Variants in CHD5 observed in about 807,000 individuals in gnomAD.
CHD5 encodes the protein chromodomain helicase DNA binding protein 5.
Under a neutral mutation model 230.3 loss-of-function variants are expected in CHD5, and 69 were observed. That is an observed-to-expected ratio of 0.30 (90% CI 0.25 to 0.37). The LOEUF is 0.37. Ranked by LOEUF, CHD5 falls within the 10% of genes least tolerant of loss-of-function variation. The pLI is 1.00. For missense variants in CHD5, 1,827 were observed against 2,622.8 expected, an observed-to-expected ratio of 0.70 and a Z score of 6.63; for synonymous variants, 1,064 against 1,065.9, an observed-to-expected ratio of 1.00 and a Z score of 0.03.
rs1265649646 is a variant in CHD5 at position 6,131,389 on chromosome 1, C to CGGG, written c.3262+241_3262+242insCCC. 2.0e-5 allele frequency among the ~76,000 whole-genome samples: 3 copies of CGGG among 152,188 alleles called. No homozygotes were observed. The highest frequency in any genetic ancestry group is 7.2e-5 in the African/African-American group (3 of 41,434). On this transcript the variant is annotated intron_variant, in intron 21 of 41. Coordinates refer to ENST00000262450, the MANE Select transcript of CHD5 (RefSeq NM_015557.3). The surrounding 1 kb of genome is among the most constrained non-coding windows in gnomAD (Gnocchi z 5.0). Reference sequence around the variant, plus strand: ...CTCACCTGGCGTCAATATTAGAGGCCCCGTCTGCGTTTCTCATTGTCTAAC... The same window carrying CGGG: ...CTCACCTGGCGTCAATATTAGAGGCCGGGCCGTCTGCGTTTCTCATTGTCTAAC...
rs1007224276 is a variant in CHD5 at position 6,130,736 on chromosome 1, C to T, written c.3263-408G>A. ...ATGCTGCCAGGGCAGCCCGGGAAAA[C>T]TCAGGGGCGCAGCTCCGGGACCTGG... On this transcript the variant is annotated intron_variant, in intron 21 of 41. Coordinates refer to ENST00000262450, the MANE Select transcript of CHD5 (RefSeq NM_015557.3). The surrounding 1 kb of genome is among the most constrained non-coding windows in gnomAD (Gnocchi z 4.9). Among the ~76,000 whole-genome samples, 1 of 152,228 alleles carries T rather than the reference C, an allele frequency of 6.6e-6. No homozygotes were observed. Among genetic ancestry groups the T allele is most frequent in the Non-Finnish European group, 1.5e-5 (1 of 68,042 alleles).
chr1:6,145,521 C>T (rs1666895899), intron 11 of CHD5, among the ~76,000 whole-genome samples: 1 of 152,206 alleles, frequency 6.6e-6, no homozygotes, highest in Non-Finnish European at 1.5e-5. Flanking sequence ...GCAGGCATTC[C>T]CACCACCCAC....
chr1:6,124,663 T>A lies in CHD5; in HGVS notation c.4395-2A>T. ...CGCATGAAGAGGGACACATAGGCTC[T>A]GGGGTGGGGGGGGGGGACTGGGGCT... On this transcript the variant is annotated splice_acceptor_variant, in intron 29 of 41. Transcript: ENST00000262450. LOFTEE classifies it high-confidence loss of function. The A allele has an allele frequency of 6.8e-5, 4 of 58,436 alleles. No individual in the cohort carries two copies. The highest frequency in any genetic ancestry group is 1.1e-4 in the Non-Finnish European group (4 of 35,090). The allele number at this position is 58,436 out of a possible 1,614,324, so 3.6% of individuals were successfully genotyped here.
chr1:6,169,743 C>T (rs200589226), intron 1 of CHD5, among the ~76,000 whole-genome samples: 5 of 152,270 alleles, frequency 3.3e-5, no homozygotes, highest in East Asian at 1.9e-4. Context: ...GAAGGGCCCA[C>T]GAGAGAGCCG....
chr1:6,138,766 C>A (rs1284948558), intron 15 of CHD5, among the ~76,000 whole-genome samples: 1 of 152,194 alleles, frequency 6.6e-6, no homozygotes, highest in Non-Finnish European at 1.5e-5. Context: ...TGGGTGTATA[C>A]CCAAAAGACA....
chr1:6,143,647 C>T (rs559663502), intron 13 of CHD5, among the ~76,000 whole-genome samples, 176 bp downstream of exon 13: 3 of 152,184 alleles, frequency 2.0e-5, no homozygotes, highest in Non-Finnish European at 2.9e-5. Flanking sequence ...ATGTCAGCTG[C>T]AGTGTTATGA....
chr1:6,120,384 G>A (rs58825943), intron 33 of CHD5, among the ~76,000 whole-genome samples: 37,480 of 151,514 alleles, frequency 0.25, 5,629 homozygotes, highest in African/African-American at 0.41. Context: ...AAAAGTTAAA[G>A]ACCAACGGGC....
At position 6,106,375 on chromosome 1, in the gene CHD5, C is replaced by T. The variant is rs202018155; in HGVS notation, c.5857+20G>A. ...GGCGGGCACCCGTGTGCATGCTGCC[C>T]GGAGCGGACGGGCACCTACCGGTCA... On this transcript the variant is annotated intron_variant, in intron 40 of 41. Transcript: ENST00000262450. 1.6e-5 allele frequency: 26 copies of T among 1,607,538 alleles called. No individual in the cohort carries two copies. Among genetic ancestry groups the T allele is most frequent in the Middle Eastern group, 1.7e-4 (1 of 6,022 alleles).
Position 6,121,027 on chromosome 1 carries a change from C to G in CHD5, c.4912+78G>C. ...CAGGGAGAAATGAGCGGAAGTACAG[C>G]CACCTGCCCTTCTCTGAACCCAGGC... is the stretch of plus-strand genomic sequence containing the variant. On this transcript the variant is annotated intron_variant, in intron 33 of 41. Transcript: ENST00000262450. This position sits in a 1 kb window ranked among gnomAD's most constrained non-coding sequence, Gnocchi z 4.5. 7.0e-7 allele frequency: 1 copy of G among 1,427,828 alleles called. No individual in the cohort carries two copies. The highest frequency in any genetic ancestry group is 9.2e-7 in the Non-Finnish European group (1 of 1,082,520). The allele number at this position is 1,427,828 out of a possible 1,614,324, so 88.4% of individuals were successfully genotyped here. A position where few individuals can be genotyped will look rare whatever the true frequency, so the allele number is the denominator to read the frequency against.
At chr1:6,165,027 G>A (rs996265129) in intron 2 of CHD5, among the ~76,000 whole-genome samples, 13 of 152,160 alleles carry the variant, frequency 8.5e-5, no homozygotes, top group African/African-American at 3.1e-4. Context: ...ACAGACAAGA[G>A]CCAGAGAGAG....
At chr1:6,148,007 C>T (rs1409522729) in intron 9 of CHD5, among the ~76,000 whole-genome samples, 1 of 152,102 alleles carries the variant, frequency 6.6e-6, no homozygotes, top group African/African-American at 2.4e-5. Flanking sequence ...CCCTCCCATC[C>T]CCAGGGCCTT....
chr1:6,146,360 G>A lies in CHD5; in HGVS notation c.1654C>T (p.Pro552Ser). 5.6e-6 allele frequency: 9 copies of A among 1,614,188 alleles called. No homozygotes were observed. Among genetic ancestry groups the A allele is most frequent in the Admixed American group, 3.3e-5 (2 of 60,026 alleles). ...YQRKNDMDEP[P>S]PFDYGSGDED... ...TCCCCAGAGCCGTAGTCAAAGGGGG[G>A]CGGCTCATCCATGTCGTTCTTTCTT... The change falls in exon 11 of 42, where the codon CCC becomes TCC. Residue 552 changes from proline to serine, a missense_variant. Around this residue, in one of 14 missense-constraint regions of CHD5, gnomAD observed 657 missense variants for 816.4 expected, o/e 0.80. Transcript: ENST00000262450. This position sits in a 1 kb window ranked among gnomAD's most constrained non-coding sequence, Gnocchi z 5.1.
intron 1 of CHD5, among the ~76,000 whole-genome samples, chr1:6,179,367 C>A (rs1667475933): frequency 2.0e-5 from 3 of 152,034 alleles, no homozygotes; most frequent in Admixed American, 6.5e-5. Context: ...AGCAGGGGTC[C>A]GAGCCCGTGC....
intron 33 of CHD5, among the ~76,000 whole-genome samples, chr1:6,119,857 T>C (rs1042908547): frequency 7.9e-6 from 1 of 125,838 alleles, no homozygotes; most frequent in African/African-American, 3.2e-5. Context: ...GTATTATATA[T>C]ATATATATTT....
Position 6,128,535 on chromosome 1 carries a change from C to T in CHD5, c.3694G>A (p.Ala1232Thr), listed in dbSNP as rs558552874. Residue 1232 changes from alanine to threonine, a missense_variant, in exon 24 of 42, where the codon GCC (alanine) becomes ACC (threonine). By Grantham distance (58) the Ala-to-Thr change is moderately conservative. Transcript: ENST00000262450. The surrounding 1 kb of genome is among the most constrained non-coding windows in gnomAD (Gnocchi z 7.8). The part of the protein sequence containing the change: ...VQSSKGGNLA[A>T]SAKKKHGSTP... ...CTACCGTGCTTCTTCTTTGCACTGG[C>T]GGCCAAGTTCCCCCCTTTGGAGGAC... 8 of 1,614,120 alleles carry T rather than the reference C, an allele frequency of 5.0e-6. No homozygotes were observed. Among genetic ancestry groups the T allele is most frequent in the East Asian group, 2.2e-5 (1 of 44,888 alleles).
intron 1 of CHD5, among the ~76,000 whole-genome samples, chr1:6,168,581 A>C (rs1358492175): frequency 2.6e-5 from 4 of 152,202 alleles, no homozygotes; most frequent in Non-Finnish European, 5.9e-5. Flanking sequence ...CAACAAACAG[A>C]ATTGCCTTGT....
In CHD5 at chr1:6,167,191, C is replaced by A. The variant is rs576702811; in HGVS notation, c.207+959G>T. 6.6e-6 allele frequency among the ~76,000 whole-genome samples: 1 copy of A among 151,330 alleles called. No homozygotes were observed. The highest frequency in any genetic ancestry group is 1.5e-5 in the Non-Finnish European group (1 of 68,020). On this transcript the variant is annotated intron_variant, in intron 2 of 41. Coordinates refer to ENST00000262450, the MANE Select transcript of CHD5 (RefSeq NM_015557.3). The surrounding 1 kb of genome is among the most constrained non-coding windows in gnomAD (Gnocchi z 4.5). The stretch of plus-strand genomic sequence containing the variant: ...GAAAGGTGGAGAGCTGGCCTCAGGT[C>A]CCCCCGGGGCAGGTGGGAGGGGAGA...
intron 37 of CHD5, 115 bp downstream of exon 37, chr1:6,110,279 G>A (rs574307152): frequency 8.9e-6 from 11 of 1,233,282 alleles, no homozygotes; most frequent in Admixed American, 3.7e-5. Flanking sequence ...TCGTGGCAGC[G>A]TGACCCAGGT....
chr1:6,171,524 A>C (rs1571174457), intron 1 of CHD5, among the ~76,000 whole-genome samples: 1 of 150,688 alleles, frequency 6.6e-6, no homozygotes, highest in Non-Finnish European at 1.5e-5. Flanking sequence ...CCAACACCTC[A>C]CACGCTCCCG....
Sources: allele counts gnomAD v4.1 joint callset (sites outside exome capture counted in the v4.1 genomes callset), GRCh38; gene constraint gnomAD v4.1.1; regional missense constraint gnomAD v4.1.1; non-coding constraint Gnocchi (gnomAD v3.1); transcripts MANE v1.5; gene names NCBI Gene and HGNC (gene_info 2026-07-23, HGNC 2026-07-21).